RSRC1: variants seen among roughly 807,000 people sequenced by gnomAD.
The protein encoded by RSRC1 is serine/Arginine-related protein 53.
In RSRC1, 39 loss-of-function variants were observed where a neutral mutation model predicts 49.1. The observed-to-expected ratio is 0.79, with a 90% CI of 0.61 to 1.04. RSRC1 has a LOEUF of 1.04. Among genes scored for constraint, RSRC1 ranks in the 50% least tolerant of loss-of-function variants. The pLI is 0.00. For synonymous variants in RSRC1, 143 were observed against 130.8 expected, an observed-to-expected ratio of 1.09 and a Z score of -0.63; for missense variants, 388 against 402.4, an observed-to-expected ratio of 0.96 and a Z score of 0.31.
intron 1 of RSRC1, among the ~76,000 whole-genome samples, chr3:158,117,774 A>G (rs1443639479): frequency 6.6e-6 from 1 of 152,120 alleles, no homozygotes; most frequent in Non-Finnish European, 1.5e-5. Flanking sequence ...CTACCGGCTT[A>G]TGCCATTATG....
intron 6 of RSRC1, among the ~76,000 whole-genome samples, chr3:158,446,139 G>A (rs1736699094): frequency 6.6e-6 from 1 of 152,018 alleles, no homozygotes; most frequent in African/African-American, 2.4e-5. Context: ...ATTACAAGTA[G>A]TATCTGTTTT....
chr3:158,497,165 T>G (rs1240688897), intron 7 of RSRC1, among the ~76,000 whole-genome samples: 1 of 152,120 alleles, frequency 6.6e-6, no homozygotes, highest in African/African-American at 2.4e-5. Flanking sequence ...CTTTTTCATC[T>G]TGCAAAACTG....
chr3:158,111,141 A>T (rs1714364757), intron 1 of RSRC1, among the ~76,000 whole-genome samples: 2 of 152,222 alleles, frequency 1.3e-5, no homozygotes, highest in African/African-American at 4.8e-5. Flanking sequence ...TAAGTGAAGG[A>T]GGTAAGCAGA....
At position 158,121,643 on chromosome 3, in the gene RSRC1, A is replaced by G. The variant is rs959668157; in HGVS notation, c.-2-460A>G. On this transcript the variant is annotated intron_variant, in intron 1 of 9. Coordinates refer to ENST00000611884, the MANE Select transcript of RSRC1 (RefSeq NM_001271838.2). ...AAAAATTCAACTCTAAGATAGTAAA[A>G]TATATTTTGTCATTAGGGAATGTGA... 3.9e-5 allele frequency among the ~76,000 whole-genome samples: 6 copies of G among 152,308 alleles called. No homozygotes were observed. The South Asian group carries it at 1.2e-3, about 32-fold the overall frequency.
At chr3:158,487,431 A>G (rs1221220020) in intron 7 of RSRC1, among the ~76,000 whole-genome samples, 2 of 152,192 alleles carry the variant, frequency 1.3e-5, no homozygotes, top group Non-Finnish European at 2.9e-5. Flanking sequence ...GCATCTTACA[A>G]TTAACGTCAT....
intron 1 of RSRC1, among the ~76,000 whole-genome samples, chr3:158,120,831 A>T (rs1715207898): frequency 2.7e-5 from 4 of 150,770 alleles, no homozygotes; most frequent in Admixed American, 2.6e-4. Context: ...ATTTATCCTA[A>T]GTGATTACAA....
chr3:158,517,335 T>C (rs1258545704), intron 7 of RSRC1, among the ~76,000 whole-genome samples: 2 of 152,132 alleles, frequency 1.3e-5, no homozygotes, highest in Admixed American at 1.3e-4. Flanking sequence ...TGTTATATCA[T>C]TTCTTTCTTT....
In RSRC1 at chr3:158,305,559, C is replaced by T. The variant is rs983104023; in HGVS notation, c.531+7484C>T. On this transcript the variant is annotated intron_variant, in intron 5 of 9. Coordinates refer to ENST00000611884, the MANE Select transcript of RSRC1 (RefSeq NM_001271838.2). ...GCAGGGCATCCCATGTGGTACCTAG[C>T]AGTTATTTCAGGGGCTTTCTTGGGA... Among the ~76,000 whole-genome samples, 10 of 152,038 alleles carry T rather than the reference C, an allele frequency of 6.6e-5. No individual in the cohort carries two copies. The South Asian group carries it at 1.9e-3, about 28-fold the overall frequency.
chr3:158,144,931 T>G (rs1245941779), intron 3 of RSRC1, among the ~76,000 whole-genome samples: 1 of 152,256 alleles, frequency 6.6e-6, no homozygotes, highest in Non-Finnish European at 1.5e-5. Context: ...AATAAATGTC[T>G]TCTTTTGAGA....
chr3:158,348,355 A>G (rs572118970), intron 5 of RSRC1, among the ~76,000 whole-genome samples: 40 of 152,300 alleles, frequency 2.6e-4, no homozygotes, highest in African/African-American at 9.6e-4. Context: ...TATCATTAAT[A>G]TACACTCATG....
At chr3:158,312,895 T>G (rs1578322698) in intron 5 of RSRC1, among the ~76,000 whole-genome samples, 2 of 152,276 alleles carry the variant, frequency 1.3e-5, no homozygotes, top group South Asian at 2.1e-4. Context: ...CCAGTCTTCA[T>G]GAAGGATGAA....
chr3:158,261,805 G>C (rs550505407), intron 4 of RSRC1, among the ~76,000 whole-genome samples: 1 of 152,172 alleles, frequency 6.6e-6, no homozygotes, highest in Non-Finnish European at 1.5e-5. Flanking sequence ...AGATGGAACT[G>C]TCTAGTTTCA....
chr3:158,302,953 C>G (rs576746244), intron 5 of RSRC1: 5 of 152,162 alleles, frequency 3.3e-5, no homozygotes, highest in Admixed American at 3.3e-4. Context: ...GCATGAGCAA[C>G]CACGCCCAGT....
chr3:158,150,466 G>A (rs954921615), intron 3 of RSRC1, among the ~76,000 whole-genome samples: 4 of 152,086 alleles, frequency 2.6e-5, no homozygotes, highest in African/African-American at 9.7e-5. Context: ...AAATTGAAAT[G>A]TTCTAAATAT....
At chr3:158,533,466 G>C (rs1026317920) in intron 7 of RSRC1, among the ~76,000 whole-genome samples, 2 of 151,576 alleles carry the variant, frequency 1.3e-5, no homozygotes, top group Admixed American at 1.3e-4. Context: ...GTTTTGGCAA[G>C]CCTCTATGAT....
rs1715311098 is a variant in RSRC1, at chr3:158,122,302, AT to A, written c.194+9del. On this transcript the variant is annotated splice_donor_5th_base_variant and intron_variant, in intron 2 of 9. Coordinates refer to ENST00000611884, the MANE Select transcript of RSRC1 (RefSeq NM_001271838.2). Reference sequence around the variant, plus strand: ...GTTCACATTCTTATGATAGAAGGTGATTTTTGTAATTTTTATTTATATAGTA... The same window carrying A: ...GTTCACATTCTTATGATAGAAGGTGATTTTGTAATTTTTATTTATATAGTA... 6.5e-7 allele frequency: 1 copy of A among 1,531,298 alleles called. No homozygotes were observed. The highest frequency in any genetic ancestry group is 8.8e-7 in the Non-Finnish European group (1 of 1,137,626). 94.9% of individuals were successfully genotyped at this position (1,531,298 alleles called of 1,614,324 possible). A position where few individuals can be genotyped will look rare whatever the true frequency, so the allele number is the denominator to read the frequency against.
intron 6 of RSRC1, among the ~76,000 whole-genome samples, chr3:158,390,490 T>G (rs1733218830): frequency 6.6e-6 from 1 of 152,174 alleles, no homozygotes; most frequent in African/African-American, 2.4e-5. Context: ...GAATTGAAAC[T>G]AAGTAACATA....
intron 7 of RSRC1, among the ~76,000 whole-genome samples, chr3:158,464,864 A>AT (rs1291620436): frequency 7.2e-5 from 11 of 151,752 alleles, no homozygotes; most frequent in Non-Finnish European, 1.3e-4. Context: ...TCTGTAGCTG[A>AT]TAAGTGGTGA....
chr3:158,211,359 C>T (rs527821427), intron 4 of RSRC1, among the ~76,000 whole-genome samples: 2 of 151,996 alleles, frequency 1.3e-5, no homozygotes, highest in South Asian at 4.2e-4. Flanking sequence ...AAAGATATTA[C>T]TTACCTAATT....
Sources: gnomAD v4.1 joint callset for allele counts (sites outside exome capture counted in the v4.1 genomes callset) on GRCh38, gnomAD v4.1.1 for gene constraint, MANE v1.5 for transcripts, NCBI Gene and HGNC (gene_info 2026-07-23, HGNC 2026-07-21) for gene names.